The following PAX7 variants were observed in gnomAD, a reference collection of about 807,000 sequenced individuals.
The protein encoded by PAX7 is paired box protein Pax-7.
In PAX7, 18 loss-of-function variants were observed where a neutral mutation model predicts 50.7. That is an observed-to-expected ratio of 0.36 (90% CI 0.25 to 0.53). The LOEUF (loss-of-function observed/expected upper bound fraction) is 0.53, where lower values mean the gene tolerates loss of function less well. Among genes scored for constraint, PAX7 ranks in the 20% least tolerant of loss-of-function variants. PAX7 has a pLI of 0.93. For synonymous variants in PAX7, 310 were observed against 290.4 expected (o/e 1.07, Z -0.69); for missense variants, 644 against 702.9 (o/e 0.92, Z 0.95).
At chr1:18,676,225 A>G (rs1421202473) in intron 4 of PAX7, among the ~76,000 whole-genome samples, 1 of 151,942 alleles carries the variant, frequency 6.6e-6, no homozygotes, top group Non-Finnish European at 1.5e-5. Flanking sequence ...GTCCTCAAAC[A>G]ATGGCAATAA....
At chr1:18,672,607 T>TTTG (rs1553137166) in intron 4 of PAX7, among the ~76,000 whole-genome samples, 1 of 147,930 alleles carries the variant, frequency 6.8e-6, no homozygotes, top group African/African-American at 2.5e-5. Flanking sequence ...TTTTTTTTTT[T>TTTG]TTTTTTTTTT....
intron 4 of PAX7, among the ~76,000 whole-genome samples, chr1:18,686,733 T>C (rs2088981046): frequency 1.3e-5 from 2 of 152,156 alleles, no homozygotes; most frequent in South Asian, 2.1e-4. Flanking sequence ...GCATTGGGGC[T>C]CTTTGTGTCT....
chr1:18,638,405 A>ACC (rs1188400681), intron 4 of PAX7, among the ~76,000 whole-genome samples: 2 of 152,166 alleles, frequency 1.3e-5, no homozygotes, highest in South Asian at 2.1e-4. Context: ...ACCAGGAAGA[A>ACC]CCACGTCTCC....
chr1:18,633,448 A>G (rs2088091460), intron 1 of PAX7, among the ~76,000 whole-genome samples: 1 of 152,106 alleles, frequency 6.6e-6, no homozygotes, highest in Non-Finnish European at 1.5e-5. Flanking sequence ...CCGGTTCCCA[A>G]AGTCACCCCC....
chr1:18,640,695 A>G (rs1164305646), intron 4 of PAX7, among the ~76,000 whole-genome samples: 1 of 152,178 alleles, frequency 6.6e-6, no homozygotes, highest in Non-Finnish European at 1.5e-5. Flanking sequence ...GAAGCTGTTC[A>G]GAGTGGGATC....
At chr1:18,676,661 C>A (rs1464955568) in intron 4 of PAX7, among the ~76,000 whole-genome samples, 2 of 152,178 alleles carry the variant, frequency 1.3e-5, no homozygotes, top group Admixed American at 6.5e-5. Flanking sequence ...TCCCCTCCCC[C>A]ACAGGAAGCA....
chr1:18,707,411 C>CTTTTTTTTTTTTTTTTTTTT (rs71575894), intron 7 of PAX7, among the ~76,000 whole-genome samples: 1 of 91,218 alleles, frequency 1.1e-5, no homozygotes, highest in Non-Finnish European at 2.1e-5. Context: ...TTCTTTTTTT[C>CTTTTTTTTTTTTTTTTTTTT]TTTCTTTTTT....
At position 18,636,153 on chromosome 1, in the gene PAX7, T is replaced by C. The variant is rs115294813; in HGVS notation, c.452-84T>C. The C allele has an allele frequency of 6.8e-7, 1 of 1,464,656 alleles. No homozygotes were observed. Among genetic ancestry groups the C allele is most frequent in the African/African-American group, 1.4e-5 (1 of 71,124 alleles). 90.7% of individuals were successfully genotyped at this position (1,464,656 alleles called of 1,614,324 possible). A position where few individuals can be genotyped will look rare whatever the true frequency, so the allele number is the denominator to read the frequency against. ...ATCTGTAAGGAAGCAGGGGGCTTCC[T>C]GACTTTCTCCCAGGGGCCCAGGCCA... On this transcript the variant is annotated intron_variant, in intron 3 of 8. Coordinates refer to ENST00000420770, the MANE Select transcript of PAX7 (RefSeq NM_001135254.2). The surrounding 1 kb of genome is among the most constrained non-coding windows in gnomAD (Gnocchi z 5.1).
At chr1:18,728,876 A>G (rs981573092) in intron 7 of PAX7, among the ~76,000 whole-genome samples, 5 of 151,840 alleles carry the variant, frequency 3.3e-5, no homozygotes, top group Admixed American at 3.3e-4. Flanking sequence ...AAAAAAAAAA[A>G]CAAAAAACTC....
chr1:18,713,513 T>C (rs949536070), intron 7 of PAX7, among the ~76,000 whole-genome samples: 3 of 152,200 alleles, frequency 2.0e-5, no homozygotes, highest in African/African-American at 7.2e-5. Flanking sequence ...TGAATATCAT[T>C]ACATATGATT....
intron 3 of PAX7, among the ~76,000 whole-genome samples, chr1:18,635,943 G>A (rs1331624696): frequency 6.6e-6 from 1 of 152,104 alleles, no homozygotes; most frequent in Admixed American, 6.5e-5. Context: ...CGGGGGTGTG[G>A]GTGGAAGTGC....
chr1:18,686,136 G>A lies in PAX7; in HGVS notation c.587-5618G>A, dbSNP rs563656812. Among the ~76,000 whole-genome samples, 16 of 152,306 alleles carry A rather than the reference G, an allele frequency of 1.1e-4. No homozygotes were observed. The South Asian group carries it at 2.5e-3, about 24-fold the overall frequency. On this transcript the variant is annotated intron_variant, in intron 4 of 8. Coordinates refer to ENST00000420770, the MANE Select transcript of PAX7 (RefSeq NM_001135254.2). ...TTCATCTGGCAGTGTTTCCTCCACT[G>A]GACTGGAAAATCCCCAGGACAAGGT...
chr1:18,726,484 G>A lies in PAX7; in HGVS notation c.1156-9148G>A, dbSNP rs952554589. Among the ~76,000 whole-genome samples, 15 of 152,170 alleles carry A rather than the reference G, an allele frequency of 9.9e-5. No individual in the cohort carries two copies. Among genetic ancestry groups the A allele is most frequent in the African/African-American group, 2.9e-4 (12 of 41,436 alleles). ...GTGTCCCAGGCACTGGGAATAAGACGCCAAGTCTGTCCCCAGGCAGCTCCT... is the reference window on the plus strand; with the variant it reads ...GTGTCCCAGGCACTGGGAATAAGACACCAAGTCTGTCCCCAGGCAGCTCCT... On this transcript the variant is annotated intron_variant, in intron 7 of 8. Transcript: ENST00000420770. This position sits in a 1 kb window ranked among gnomAD's most constrained non-coding sequence, Gnocchi z 4.8.
rs1477811571 is a variant in PAX7 at position 18,681,745 on chromosome 1, ATTTTATTTTTATTTTT to A, written c.587-10008_587-9993del. ...ATTTTATTTTATTTTATTTTATTTT[ATTTTATTTTTATTTTT>A]ATTTTTTGATACGGCGTTTCATTCT... is the stretch of plus-strand genomic sequence containing the variant. On this transcript the variant is annotated intron_variant, in intron 4 of 8. Coordinates refer to ENST00000420770, the MANE Select transcript of PAX7 (RefSeq NM_001135254.2). Among the ~76,000 whole-genome samples the A allele has an allele frequency of 1.9e-4, 8 of 41,860 alleles. No individual in the cohort carries two copies. The Middle Eastern group carries it at 0.042, about 218-fold the overall frequency. 27.5% of individuals were successfully genotyped at this position (41,860 alleles called of 152,430 possible). A position where few individuals can be genotyped will look rare whatever the true frequency, so the allele number is the denominator to read the frequency against.
At chr1:18,649,910 G>A (rs1331629524) in intron 4 of PAX7, among the ~76,000 whole-genome samples, 1 of 152,210 alleles carries the variant, frequency 6.6e-6, no homozygotes, top group Non-Finnish European at 1.5e-5. Context: ...CTGAACAATG[G>A]CAAGGCAGGA....
At chr1:18,725,718 C>G (rs1056460815) in intron 7 of PAX7, among the ~76,000 whole-genome samples, 4 of 152,338 alleles carry the variant, frequency 2.6e-5, no homozygotes, top group Admixed American at 2.6e-4. Context: ...CTCGCCGCTC[C>G]GAGCAGAGTC....
chr1:18,631,752 G>T, intron 1 of PAX7, 64 bp downstream of exon 1: 3 of 1,349,052 alleles, frequency 2.2e-6, no homozygotes, highest in Non-Finnish European at 3.1e-6. Context: ...CCTTGGAGAG[G>T]CTGCGGTCTC....
At chr1:18,694,598 C>T (rs1246168740) in intron 5 of PAX7, among the ~76,000 whole-genome samples, 1 of 151,746 alleles carries the variant, frequency 6.6e-6, no homozygotes, top group Non-Finnish European at 1.5e-5. Context: ...AGGGTTAACC[C>T]AGGGCCAGGG....
rs534478150 is a variant in PAX7 at position 18,722,028 on chromosome 1, C to T, written c.1156-13604C>T. Among the ~76,000 whole-genome samples the T allele has an allele frequency of 5.9e-5, 9 of 152,314 alleles. No homozygotes were observed. In the East Asian group the frequency reaches 1.7e-3, roughly 29 times the overall value. On this transcript the variant is annotated intron_variant, in intron 7 of 8. Coordinates refer to ENST00000420770, the MANE Select transcript of PAX7 (RefSeq NM_001135254.2). ...TCTGTGCCTCCATTTGCTCATCTATCAAATGTGGATGACACAGGGTTAGAC... is the reference window on the plus strand; with the variant it reads ...TCTGTGCCTCCATTTGCTCATCTATTAAATGTGGATGACACAGGGTTAGAC...
Sources: allele counts gnomAD v4.1 joint callset (sites outside exome capture counted in the v4.1 genomes callset), GRCh38; gene constraint gnomAD v4.1.1; non-coding constraint Gnocchi (gnomAD v3.1); transcripts MANE v1.5; gene names NCBI Gene and HGNC (gene_info 2026-07-23, HGNC 2026-07-21).